The following GNA14 variants were observed in gnomAD, a reference collection of about 807,000 sequenced individuals.
GNA14 encodes the protein guanine nucleotide-binding protein subunit alpha-14.
A neutral mutation model predicts 42.0 loss-of-function variants in GNA14; 50 were observed. That is an observed-to-expected ratio of 1.19 (90% CI 0.95 to 1.51). The LOEUF (loss-of-function observed/expected upper bound fraction) is 1.51, where lower values mean the gene tolerates loss of function less well. Among genes scored for constraint, GNA14 ranks in the 40% most tolerant of loss-of-function variants. The pLI is 0.00. For synonymous variants in GNA14, 173 were observed against 163.1 expected, an observed-to-expected ratio of 1.06 and a Z score of -0.46; for missense variants, 473 against 446.2, an observed-to-expected ratio of 1.06 and a Z score of -0.54.
chr9:77,567,705 A>C (rs980101814), intron 1 of GNA14, among the ~76,000 whole-genome samples: 1 of 151,986 alleles, frequency 6.6e-6, no homozygotes, highest in Non-Finnish European at 1.5e-5. Context: ...CGTCTCTACT[A>C]AAAATTCAAA....
At chr9:77,425,789 C>G in intron 5 of GNA14, 74 bp from the exon 6 acceptor site, 1 of 1,060,448 alleles carries the variant, frequency 9.4e-7, no homozygotes, top group Admixed American at 2.2e-5. Flanking sequence ...CATTGCCAGT[C>G]CATCCATCTC....
At chr9:77,472,769 G>A (rs1836354105) in intron 2 of GNA14, among the ~76,000 whole-genome samples, 1 of 149,876 alleles carries the variant, frequency 6.7e-6, no homozygotes, top group South Asian at 2.1e-4. Flanking sequence ...TTCCTTATAA[G>A]AGGAAGAGAC....
intron 2 of GNA14, among the ~76,000 whole-genome samples, chr9:77,503,142 A>C (rs1204710373): frequency 6.6e-6 from 1 of 152,106 alleles, no homozygotes; most frequent in African/African-American, 2.4e-5. Context: ...TTTTAGTTGT[A>C]CTTAGCAGAA....
At position 77,524,317 on chromosome 9, in the gene GNA14, T is replaced by C. The variant is rs1476815577; in HGVS notation, c.309+4752A>G. 3.3e-5 allele frequency among the ~76,000 whole-genome samples: 5 copies of C among 152,188 alleles called. No homozygotes were observed. In the East Asian group the frequency reaches 7.7e-4, roughly 23 times the overall value. On this transcript the variant is annotated intron_variant, in intron 2 of 6. Transcript: ENST00000341700. ...CTTTAATAAGTGGCCTGTCAAGTAATAGGCAAAGACTTTCAACAGCCTAGC... is the reference window on the plus strand; with the variant it reads ...CTTTAATAAGTGGCCTGTCAAGTAACAGGCAAAGACTTTCAACAGCCTAGC...
intron 2 of GNA14, among the ~76,000 whole-genome samples, chr9:77,453,236 C>G (rs184489939): frequency 3.0e-4 from 46 of 152,340 alleles, no homozygotes; most frequent in African/African-American, 1.0e-3. Flanking sequence ...CTCTGAGGAG[C>G]AGACTCTCAC....
intron 2 of GNA14, among the ~76,000 whole-genome samples, chr9:77,525,501 T>C (rs1433948169): frequency 6.6e-6 from 1 of 151,664 alleles, no homozygotes; most frequent in East Asian, 1.9e-4. Context: ...AGTTTCACAG[T>C]CATGGATGGA....
At chr9:77,646,169 C>T (rs533867729) in intron 1 of GNA14, among the ~76,000 whole-genome samples, 2 of 152,302 alleles carry the variant, frequency 1.3e-5, no homozygotes, top group East Asian at 3.9e-4. Context: ...CTAGGGGGGC[C>T]TCTTGGGCAC....
intron 1 of GNA14, among the ~76,000 whole-genome samples, chr9:77,634,672 C>T (rs1446663900): frequency 1.3e-5 from 2 of 152,166 alleles, no homozygotes; most frequent in Non-Finnish European, 2.9e-5. Context: ...TTCCTTTCTT[C>T]AAGGCCCAGC....
chr9:77,500,440 C>T (rs557769039), intron 2 of GNA14, among the ~76,000 whole-genome samples: 86 of 152,336 alleles, frequency 5.6e-4, no homozygotes, highest in African/African-American at 1.9e-3. Flanking sequence ...ACAGAGAGAT[C>T]TTGTATAACA....
chr9:77,480,942 C>T (rs934959577), intron 2 of GNA14, among the ~76,000 whole-genome samples: 19 of 151,876 alleles, frequency 1.3e-4, no homozygotes, highest in African/African-American at 4.1e-4. Flanking sequence ...TCTCTCTTTT[C>T]TTCTTTATTA....
At chr9:77,516,319 G>A (rs568293324) in intron 2 of GNA14, among the ~76,000 whole-genome samples, 2 of 152,260 alleles carry the variant, frequency 1.3e-5, no homozygotes, top group South Asian at 4.1e-4. Context: ...AGTTTCCTAG[G>A]TGAAAATTAT....
intron 1 of GNA14, among the ~76,000 whole-genome samples, chr9:77,533,371 G>C (rs1472310024): frequency 1.3e-5 from 2 of 152,124 alleles, no homozygotes; most frequent in Non-Finnish European, 2.9e-5. Flanking sequence ...GTAGAGACAG[G>C]GTTTCGCCAT....
intron 2 of GNA14, among the ~76,000 whole-genome samples, chr9:77,467,650 C>CTTTT (rs3052383): frequency 7.2e-6 from 1 of 139,678 alleles, no homozygotes. Flanking sequence ...CGGAGCTCTC[C>CTTTT]TTTTTTTTTT....
chr9:77,631,926 G>A lies in GNA14; in HGVS notation c.124+15744C>T, dbSNP rs114712574. On this transcript the variant is annotated intron_variant, in intron 1 of 6. Transcript: ENST00000341700. The stretch of plus-strand genomic sequence containing the variant: ...AGGATCCTCGCCCCTTCTGAGTTGG[G>A]GTGGAAGCTGCCTGGGTGCTGCAGC... Among the ~76,000 whole-genome samples, 632 of 152,250 alleles carry A rather than the reference G, an allele frequency of 4.2e-3. 5 individuals carry two copies. Among genetic ancestry groups the A allele is most frequent in the African/African-American group, 0.014 (576 of 41,520 alleles).
chr9:77,629,080 A>G (rs191448788), intron 1 of GNA14, among the ~76,000 whole-genome samples: 322 of 152,350 alleles, frequency 2.1e-3, no homozygotes, highest in Non-Finnish European at 3.9e-3. Context: ...ACAGGATATG[A>G]ACAGACACCT....
At chr9:77,547,147 G>A (rs1837729764) in intron 1 of GNA14, among the ~76,000 whole-genome samples, 1 of 152,154 alleles carries the variant, frequency 6.6e-6, no homozygotes, top group Admixed American at 6.5e-5. Flanking sequence ...CTTACATTGG[G>A]AGGATGTACT....
rs190930136 is a variant in GNA14, at chr9:77,616,786, C to T, written c.124+30884G>A. Among the ~76,000 whole-genome samples the T allele has an allele frequency of 7.5e-3, 1,146 of 152,308 alleles. 7 individuals are homozygous for T. Among genetic ancestry groups the T allele is most frequent in the Non-Finnish European group, 0.011 (760 of 68,026 alleles). On this transcript the variant is annotated intron_variant, in intron 1 of 6. Coordinates refer to ENST00000341700, the MANE Select transcript of GNA14 (RefSeq NM_004297.4). ...CCATGCCTTGATGAAACAATAACTC[C>T]ACCTCCAGCTCTCTGTGTTAGGGCA... is the stretch of plus-strand genomic sequence containing the variant.
intron 2 of GNA14, among the ~76,000 whole-genome samples, chr9:77,452,318 G>A (rs541028187): frequency 5.9e-5 from 9 of 152,044 alleles, no homozygotes; most frequent in African/African-American, 1.5e-4. Context: ...TCTCTCTGCC[G>A]CCTAACTCTT....
At chr9:77,491,880 T>A (rs1225086647) in intron 2 of GNA14, among the ~76,000 whole-genome samples, 1 of 152,184 alleles carries the variant, frequency 6.6e-6, no homozygotes. Context: ...CATCAGCAAA[T>A]GGAACATTTT....
Sources: gnomAD v4.1 joint callset for allele counts (sites outside exome capture counted in the v4.1 genomes callset) on GRCh38, gnomAD v4.1.1 for gene constraint, MANE v1.5 for transcripts, NCBI Gene and HGNC (gene_info 2026-07-23, HGNC 2026-07-21) for gene names.